The following NBEAL1 variants were observed in gnomAD, a reference collection of about 807,000 sequenced individuals.
The protein encoded by NBEAL1 is neurobeachin like 1, also known as neurobeachin-like protein 1.
In NBEAL1, 273 loss-of-function variants were observed where a neutral mutation model predicts 351.3. That is an observed-to-expected ratio of 0.78 (90% CI 0.70 to 0.86). The LOEUF (loss-of-function observed/expected upper bound fraction) is 0.86, where lower values mean the gene tolerates loss of function less well. Among genes scored for constraint, NBEAL1 ranks in the 40% least tolerant of loss-of-function variants. The probability of loss-of-function intolerance (pLI) is 0.00; values close to 1 mark genes in which losing one functional copy is unlikely to be tolerated. For missense variants in NBEAL1, 2,961 were observed against 3,201.3 expected (o/e 0.92, Z 1.81); for synonymous variants, 1,050 against 1,086.4 (o/e 0.97, Z 0.66).
intron 12 of NBEAL1, among the ~76,000 whole-genome samples, chr2:203,104,125 G>C (rs1298444217): frequency 1.3e-5 from 2 of 151,928 alleles, no homozygotes; most frequent in African/African-American, 2.4e-5. Context: ...GGTCCATTTG[G>C]TCATGTGTTA....
rs1461897646 is a variant in NBEAL1 at position 203,110,382 on chromosome 2, T to G, written c.2082+100T>G. ...GCAGTCATTTTTTTGCTAAAAAATT[T>G]AAATGAGGCTGGGCGCAGTGGCACA... On this transcript the variant is annotated intron_variant, in intron 15 of 55. Transcript: ENST00000683969. 1.5e-5 allele frequency: 20 copies of G among 1,325,330 alleles called. No individual in the cohort carries two copies. In the East Asian group the frequency reaches 4.9e-4, roughly 32 times the overall value. The allele number at this position is 1,325,330 out of a possible 1,614,324, so 82.1% of individuals were successfully genotyped here.
At chr2:203,106,446 G>T (rs530480268) in intron 12 of NBEAL1, among the ~76,000 whole-genome samples, 23 of 152,236 alleles carry the variant, frequency 1.5e-4, no homozygotes, top group Admixed American at 4.6e-4. Context: ...TTTACAGTCT[G>T]GCTTGTGACT....
intron 6 of NBEAL1, among the ~76,000 whole-genome samples, chr2:203,057,824 C>CA (rs2061429140): frequency 1.5e-5 from 2 of 133,684 alleles, no homozygotes. Context: ...TTTCTTTTTT[C>CA]TTTTTTTTTT....
At chr2:203,036,694 C>T (rs894533478) in intron 2 of NBEAL1, among the ~76,000 whole-genome samples, 2 of 149,044 alleles carry the variant, frequency 1.3e-5, no homozygotes, top group East Asian at 3.8e-4. Flanking sequence ...AAATGAAACA[C>T]CTCCAAATTT....
intron 10 of NBEAL1, among the ~76,000 whole-genome samples, chr2:203,093,049 A>T (rs930724164): frequency 1.3e-5 from 2 of 151,778 alleles, no homozygotes; most frequent in African/African-American, 4.8e-5. Flanking sequence ...TGGCTAACAC[A>T]GTGAAACCCC....
intron 27 of NBEAL1, among the ~76,000 whole-genome samples, chr2:203,134,516 A>G (rs1224087200): frequency 6.6e-6 from 1 of 152,174 alleles, no homozygotes; most frequent in African/African-American, 2.4e-5. Context: ...AGTCCTTACC[A>G]ACATTGTTCA....
rs942913532 is a variant in NBEAL1, at chr2:203,188,508, A to G, written c.6742A>G (p.Ile2248Val). The G allele has an allele frequency of 6.2e-6, 10 of 1,602,788 alleles. No homozygotes were observed. The highest frequency in any genetic ancestry group is 4.0e-5 in the African/African-American group (3 of 74,632). Reference sequence around the variant, plus strand: ...TGTTTCAGCTCATCTTCATGAATGGATAGATCTGATCTTTGGCTATAAACA... The same window carrying G: ...TGTTTCAGCTCATCTTCATGAATGGGTAGATCTGATCTTTGGCTATAAACA... ...EYVSAHLHEW[I>V]DLIFGYKQRG... The change falls in exon 45 of 56, where the codon ATA becomes GTA. Residue 2248 changes from isoleucine (I) to valine (V), a missense_variant. Transcript: ENST00000683969.
At position 203,221,546 on chromosome 2, in the gene NBEAL1, C is replaced by T. The variant is rs1433014362; in HGVS notation, c.*4192C>T. On this transcript the variant is annotated 3_prime_UTR_variant, in exon 56 of 56. Coordinates refer to ENST00000683969, the MANE Select transcript of NBEAL1 (RefSeq NM_001378026.1). ...AGAAATGAAACATGTTTGTTTGTTT[C>T]CTTTTTGTTTGTTTGTTTGCATCAT... Among the ~76,000 whole-genome samples the T allele has an allele frequency of 6.6e-6, 1 of 151,958 alleles. No individual in the cohort carries two copies. Among genetic ancestry groups the T allele is most frequent in the East Asian group, 1.9e-4 (1 of 5,166 alleles).
At chr2:203,024,398 A>T (rs2060820951) in intron 2 of NBEAL1, among the ~76,000 whole-genome samples, 1 of 151,712 alleles carries the variant, frequency 6.6e-6, no homozygotes, top group Non-Finnish European at 1.5e-5. Context: ...TCTCTACTGA[A>T]AATACAAAAG....
intron 46 of NBEAL1, chr2:203,190,660 A>G: frequency 1.2e-5 from 4 of 325,660 alleles, no homozygotes; most frequent in South Asian, 1.4e-4. Flanking sequence ...CTTGCTTTCC[A>G]GAGCCCAAAC....
chr2:203,211,894 G>C (rs1251710986), intron 54 of NBEAL1, among the ~76,000 whole-genome samples: 2 of 151,904 alleles, frequency 1.3e-5, no homozygotes, highest in Non-Finnish European at 2.9e-5. Flanking sequence ...TTTTTGTTTT[G>C]TTTTCTTTTT....
At chr2:203,017,944 T>C (rs1263940986) in intron 2 of NBEAL1, among the ~76,000 whole-genome samples, 7 of 152,116 alleles carry the variant, frequency 4.6e-5, no homozygotes, top group Admixed American at 4.6e-4. Flanking sequence ...CATTTTTAGG[T>C]TTAATATTTA....
At chr2:203,176,454 G>A (rs1260143123) in intron 42 of NBEAL1, among the ~76,000 whole-genome samples, 1 of 152,024 alleles carries the variant, frequency 6.6e-6, no homozygotes, top group Non-Finnish European at 1.5e-5. Flanking sequence ...GCCAGGTGTG[G>A]CAGTTCACAC....
intron 10 of NBEAL1, among the ~76,000 whole-genome samples, chr2:203,095,354 G>T (rs2062159674): frequency 2.0e-5 from 3 of 151,842 alleles, no homozygotes; most frequent in Admixed American, 2.0e-4. Context: ...GAGTGCAATG[G>T]CTCGATCTCG....
At chr2:203,128,690 C>T (rs2063003640) in intron 24 of NBEAL1, among the ~76,000 whole-genome samples, 1 of 151,432 alleles carries the variant, frequency 6.6e-6, no homozygotes, top group African/African-American at 2.4e-5. Context: ...CTCCGCCTCC[C>T]AGGTTCAAGT....
At chr2:203,176,625 A>T (rs1372033338) in intron 42 of NBEAL1, among the ~76,000 whole-genome samples, 2 of 151,608 alleles carry the variant, frequency 1.3e-5, no homozygotes, top group Non-Finnish European at 2.9e-5. Flanking sequence ...CTAGCTACTC[A>T]GGAGACTGAG....
chr2:203,185,028 A>G (rs2064854629), intron 44 of NBEAL1, among the ~76,000 whole-genome samples: 1 of 152,216 alleles, frequency 6.6e-6, no homozygotes, highest in Non-Finnish European at 1.5e-5. Context: ...AAAGTGAGGA[A>G]GTTTACATGA....
chr2:203,038,488 C>T (rs545938998), intron 2 of NBEAL1, among the ~76,000 whole-genome samples: 13 of 148,972 alleles, frequency 8.7e-5, no homozygotes, highest in African/African-American at 2.4e-4. Flanking sequence ...GCTGTTTGGC[C>T]GTTTGTATAT....
chr2:203,082,934 A>G (rs1435264349), intron 8 of NBEAL1, among the ~76,000 whole-genome samples: 1 of 152,192 alleles, frequency 6.6e-6, no homozygotes, highest in Admixed American at 6.5e-5. Flanking sequence ...CTTTTTGTTT[A>G]TAAAATGATA....
Sources: allele counts gnomAD v4.1 joint callset (sites outside exome capture counted in the v4.1 genomes callset), GRCh38; gene constraint gnomAD v4.1.1; transcripts MANE v1.5; gene names NCBI Gene and HGNC (gene_info 2026-07-23, HGNC 2026-07-21).